DSE: variants seen among roughly 807,000 people sequenced by gnomAD.
DSE encodes dermatan sulfate epimerase, also known as dermatan-sulfate epimerase.
Under a neutral mutation model 84.4 loss-of-function variants are expected in DSE, and 36 were observed. That is an observed-to-expected ratio of 0.43 (90% confidence interval 0.33 to 0.56). The LOEUF (loss-of-function observed/expected upper bound fraction) is 0.56. Ranked by LOEUF, DSE falls within the 20% of genes least tolerant of loss-of-function variation. The pLI, the probability that DSE is intolerant of heterozygous loss-of-function variation, is 0.06. For synonymous variants in DSE, 410 were observed against 430.1 expected (o/e 0.95, Z 0.58); for missense variants, 862 against 1,169.6 (o/e 0.74, Z 3.84).
chr6:116,334,082 C>T (rs889291515), intron 2 of DSE, among the ~76,000 whole-genome samples: 4 of 152,128 alleles, frequency 2.6e-5, no homozygotes, highest in Admixed American at 6.5e-5. Context: ...TGAACATTGT[C>T]GTACTAATCT....
At chr6:116,329,152 T>A (rs1205276889) in intron 2 of DSE, among the ~76,000 whole-genome samples, 1 of 152,244 alleles carries the variant, frequency 6.6e-6, no homozygotes, top group Non-Finnish European at 1.5e-5. Flanking sequence ...TTAATAAACA[T>A]TGCATTCTAT....
At chr6:116,388,328 CCT>C (rs1295379088) in intron 1 of DSE, among the ~76,000 whole-genome samples, 3 of 152,140 alleles carry the variant, frequency 2.0e-5, no homozygotes, top group Non-Finnish European at 4.4e-5. Flanking sequence ...GAAAATCTTC[CCT>C]CTCTTTTTGT....
intron 2 of DSE, among the ~76,000 whole-genome samples, chr6:116,357,055 C>A (rs1778614249): frequency 1.3e-5 from 2 of 152,160 alleles, no homozygotes; most frequent in Admixed American, 1.3e-4. Context: ...TTCCAAAAAA[C>A]AAATTCTACT....
chr6:116,388,355 C>G (rs139521775), intron 1 of DSE, among the ~76,000 whole-genome samples: 7 of 152,296 alleles, frequency 4.6e-5, no homozygotes, highest in Non-Finnish European at 8.8e-5. Context: ...TTTGGGCCCA[C>G]CCACATTGGG....
intron 3 of DSE, among the ~76,000 whole-genome samples, chr6:116,427,176 G>T (rs993008465): frequency 6.6e-6 from 1 of 152,100 alleles, no homozygotes; most frequent in African/African-American, 2.4e-5. Context: ...CTAAACACAT[G>T]GTTGGTTATT....
At chr6:116,396,970 T>C (rs1165598238) in intron 1 of DSE, among the ~76,000 whole-genome samples, 1 of 152,134 alleles carries the variant, frequency 6.6e-6, no homozygotes, top group Admixed American at 6.5e-5. Flanking sequence ...CATATGCTCA[T>C]AGCTGGAGCC....
At chr6:116,397,987 T>C (rs1210908655) in intron 1 of DSE, among the ~76,000 whole-genome samples, 1 of 152,230 alleles carries the variant, frequency 6.6e-6, no homozygotes, top group African/African-American at 2.4e-5. Flanking sequence ...TTAGTTTTTC[T>C]TCTTCTAAAT....
At chr6:116,370,641 C>A, upstream of DSE, 1 of 709,718 alleles carries the variant, frequency 1.4e-6, no homozygotes, top group Non-Finnish European at 1.7e-6. Flanking sequence ...GAAACTAGAA[C>A]AAGTTAGAGC....
At chr6:116,397,950 G>A (rs544154773) in intron 1 of DSE, among the ~76,000 whole-genome samples, 1 of 152,220 alleles carries the variant, frequency 6.6e-6, no homozygotes, top group Admixed American at 6.5e-5. Flanking sequence ...TGAAAATGTG[G>A]ATTGATCTGC....
chr6:116,365,502 C>T, upstream of DSE, among the ~76,000 whole-genome samples: 1 of 150,154 alleles, frequency 6.7e-6, no homozygotes, highest in East Asian at 2.0e-4. Flanking sequence ...ATCTGCCCAT[C>T]TCGGCCTCCC....
chr6:116,274,116 C>A (rs1020757056), intron 2 of DSE, among the ~76,000 whole-genome samples: 1 of 151,924 alleles, frequency 6.6e-6, no homozygotes, highest in African/African-American at 2.4e-5. Flanking sequence ...AGGCGTGAGC[C>A]ACCCTGCCCG....
intron 1 of DSE, among the ~76,000 whole-genome samples, chr6:116,372,647 T>C (rs1217340952): frequency 1.3e-5 from 2 of 152,194 alleles, no homozygotes; most frequent in East Asian, 1.9e-4. Context: ...TTGTGACCTC[T>C]TCCTTTGACG....
intron 2 of DSE, among the ~76,000 whole-genome samples, chr6:116,313,100 A>G (rs570343221): frequency 7.7e-4 from 117 of 152,324 alleles, no homozygotes; most frequent in South Asian, 1.4e-3. Context: ...AGAAGATCCC[A>G]TGTAAAGACA....
intron 1 of DSE, among the ~76,000 whole-genome samples, chr6:116,376,454 CAAA>C (rs1779937170): frequency 6.6e-6 from 1 of 152,016 alleles, no homozygotes. Flanking sequence ...TTAGAGATCA[CAAA>C]GAAGAAGGGA....
intron 2 of DSE, among the ~76,000 whole-genome samples, chr6:116,348,454 A>AC (rs1322905050): frequency 1.3e-4 from 20 of 151,634 alleles, no homozygotes; most frequent in African/African-American, 4.8e-4. Flanking sequence ...ACAAAAAAAA[A>AC]ACCCCAAAAG....
In DSE at chr6:116,371,125, A is replaced by G. The variant is rs1779524248; in HGVS notation, c.-54+4A>G. ...AACGAAGCCTCGGCTGGGAGCGGTAAGTGGAGGGGCGCGCAAGGGACGAGC... is the reference window on the plus strand; with the variant it reads ...AACGAAGCCTCGGCTGGGAGCGGTAGGTGGAGGGGCGCGCAAGGGACGAGC... On this transcript the variant is annotated splice_donor_region_variant and intron_variant, in intron 1 of 5. Transcript: ENST00000644252. 1 of 985,902 alleles carries G rather than the reference A, an allele frequency of 1.0e-6. No homozygotes were observed. The highest frequency in any genetic ancestry group is 1.2e-6 in the Non-Finnish European group (1 of 830,416). 61.1% of individuals were successfully genotyped at this position (985,902 alleles called of 1,614,324 possible).
At chr6:116,395,242 G>A (rs1269320772) in intron 1 of DSE, among the ~76,000 whole-genome samples, 1 of 152,128 alleles carries the variant, frequency 6.6e-6, no homozygotes, top group Non-Finnish European at 1.5e-5. Flanking sequence ...TGGCTAACAG[G>A]GTGAAACCCC....
At chr6:116,369,438 T>C (rs1178933880), upstream of DSE, among the ~76,000 whole-genome samples, 1 of 152,148 alleles carries the variant, frequency 6.6e-6, no homozygotes, top group Non-Finnish European at 1.5e-5. Context: ...CCGTCTGATA[T>C]GGTGTAGTAA....
chr6:116,371,938 G>T (rs978702520), intron 1 of DSE, among the ~76,000 whole-genome samples: 1 of 152,224 alleles, frequency 6.6e-6, no homozygotes, highest in Non-Finnish European at 1.5e-5. Context: ...GAAGCCTTTG[G>T]TTAAAATCAG....
Sources: allele counts gnomAD v4.1 joint callset (sites outside exome capture counted in the v4.1 genomes callset), GRCh38; gene constraint gnomAD v4.1.1; transcripts MANE v1.5; gene names NCBI Gene and HGNC (gene_info 2026-07-23, HGNC 2026-07-21).